The following ATP8A1 variants were observed in gnomAD, a reference collection of about 807,000 sequenced individuals.
ATP8A1 encodes the protein phospholipid-transporting ATPase IA.
A neutral mutation model predicts 177.7 loss-of-function variants in ATP8A1; 90 were observed. The ratio of observed to expected loss-of-function variants is 0.51; its 90% CI spans 0.43 to 0.60. The LOEUF is 0.60. ATP8A1 is among the 20% of genes least tolerant of loss of function. ATP8A1 has a pLI of 0.00. For synonymous variants in ATP8A1, 493 were observed against 485.9 expected (o/e 1.01, Z -0.19); for missense variants, 1,072 against 1,392.8 (o/e 0.77, Z 3.67).
chr4:42,488,230 TTTAAG>T (rs1373921626), intron 24 of ATP8A1, among the ~76,000 whole-genome samples: 1 of 152,162 alleles, frequency 6.6e-6, no homozygotes, highest in Non-Finnish European at 1.5e-5. Flanking sequence ...AGATGCAGCA[TTTAAG>T]TTAACACTTG....
In ATP8A1 at chr4:42,558,808, G is replaced by A. The variant is rs151002661; in HGVS notation, c.1341-2768C>T. 3.5e-3 allele frequency among the ~76,000 whole-genome samples: 539 copies of A among 152,256 alleles called. 3 individuals are homozygous for A. Among genetic ancestry groups the A allele is most frequent in the African/African-American group, 0.012 (516 of 41,546 alleles). On this transcript the variant is annotated intron_variant, in intron 15 of 36. Coordinates refer to ENST00000381668, the MANE Select transcript of ATP8A1 (RefSeq NM_006095.2). ...AAACTTAGGAATGGAAAAAGCTTAGGTATCATATATAATTCAGAAAACATA... is the reference window on the plus strand; with the variant it reads ...AAACTTAGGAATGGAAAAAGCTTAGATATCATATATAATTCAGAAAACATA...
intron 25 of ATP8A1, among the ~76,000 whole-genome samples, chr4:42,479,646 C>A (rs577160370): frequency 1.2e-4 from 19 of 152,118 alleles, no homozygotes; most frequent in African/African-American, 4.6e-4. Flanking sequence ...TTTGGGGAGG[C>A]CTTCAGTAGA....
chr4:42,645,630 G>A (rs910554678), intron 1 of ATP8A1, among the ~76,000 whole-genome samples: 2 of 152,132 alleles, frequency 1.3e-5, no homozygotes, highest in Non-Finnish European at 2.9e-5. Context: ...AGCATCACAC[G>A]ATGTGGCTAT....
intron 19 of ATP8A1, 23 bp from the exon 20 acceptor site, chr4:42,544,009 A>G: frequency 6.3e-7 from 1 of 1,595,998 alleles, no homozygotes; most frequent in Non-Finnish European, 8.6e-7. Context: ...GGTTTTGCAT[A>G]ATGTGTCATC....
chr4:42,600,352 A>G (rs56034447), intron 6 of ATP8A1, 126 bp downstream of exon 6: 1 of 589,244 alleles, frequency 1.7e-6, no homozygotes, highest in African/African-American at 1.9e-5. Flanking sequence ...GCATGTTTAT[A>G]TTACTAAATA....
chr4:42,631,402 A>G (rs1738714740), intron 1 of ATP8A1, among the ~76,000 whole-genome samples: 1 of 152,222 alleles, frequency 6.6e-6, no homozygotes. Context: ...GAGTAACTGA[A>G]GTTCCATAAT....
intron 1 of ATP8A1, among the ~76,000 whole-genome samples, chr4:42,650,380 C>G (rs1287095231): frequency 2.0e-5 from 3 of 152,204 alleles, no homozygotes; most frequent in Non-Finnish European, 4.4e-5. Flanking sequence ...ATACTCATCT[C>G]CATGTTTCCT....
chr4:42,611,482 T>A (rs540219828), intron 5 of ATP8A1, among the ~76,000 whole-genome samples: 104 of 152,308 alleles, frequency 6.8e-4, no homozygotes, highest in African/African-American at 2.2e-3. Flanking sequence ...CTCCCACACA[T>A]TCTCATATGC....
intron 24 of ATP8A1, among the ~76,000 whole-genome samples, chr4:42,498,696 A>G (rs1483902929): frequency 6.9e-6 from 1 of 145,336 alleles, no homozygotes; most frequent in Non-Finnish European, 1.6e-5. Context: ...AATAATACTA[A>G]AAAAAAAAAT....
intron 25 of ATP8A1, among the ~76,000 whole-genome samples, chr4:42,470,886 C>T (rs939014786): frequency 3.8e-4 from 58 of 152,214 alleles, no homozygotes; most frequent in African/African-American, 1.2e-3. Flanking sequence ...CAACAAACTT[C>T]CTAAGATTTC....
chr4:42,600,940 A>C (rs1735186005), intron 5 of ATP8A1, among the ~76,000 whole-genome samples: 1 of 152,142 alleles, frequency 6.6e-6, no homozygotes, highest in Admixed American at 6.5e-5. Flanking sequence ...AAAATTTAAC[A>C]CATAAAGCCA....
chr4:42,637,037 T>C (rs761944097), intron 1 of ATP8A1: 21 of 477,250 alleles, frequency 4.4e-5, no homozygotes, highest in African/African-American at 2.8e-4. Context: ...CAGTCCTCTG[T>C]TGGAAGCCAA....
intron 5 of ATP8A1, among the ~76,000 whole-genome samples, chr4:42,610,646 A>T (rs969999229): frequency 6.6e-5 from 10 of 151,450 alleles, no homozygotes; most frequent in African/African-American, 2.4e-4. Context: ...TCTCCTCTCC[A>T]TCCAGAGCTA....
At chr4:42,656,353 G>C (rs1310285256) in intron 1 of ATP8A1, among the ~76,000 whole-genome samples, 1 of 152,236 alleles carries the variant, frequency 6.6e-6, no homozygotes, top group East Asian at 1.9e-4. Context: ...ACCCGACCCC[G>C]ATGAAGGCTC....
chr4:42,439,722 T>C (rs1252810534), intron 33 of ATP8A1, among the ~76,000 whole-genome samples: 3 of 152,042 alleles, frequency 2.0e-5, no homozygotes, highest in Non-Finnish European at 4.4e-5. Flanking sequence ...ATGGAGGAGG[T>C]AGTGCTGCCA....
intron 15 of ATP8A1, among the ~76,000 whole-genome samples, chr4:42,558,214 A>G (rs559682465): frequency 6.6e-6 from 1 of 152,246 alleles, no homozygotes; most frequent in Non-Finnish European, 1.5e-5. Flanking sequence ...TTGCAAGCTC[A>G]TATCAGTTAA....
At chr4:42,446,701 T>C in intron 30 of ATP8A1, 57 bp from the exon 31 acceptor site, 1 of 1,490,690 alleles carries the variant, frequency 6.7e-7, no homozygotes, top group Non-Finnish European at 9.3e-7. Context: ...CAGAATCTTT[T>C]CAAAGATATT....
chr4:42,446,905 A>T (rs537548612), intron 30 of ATP8A1, among the ~76,000 whole-genome samples: 7 of 152,316 alleles, frequency 4.6e-5, no homozygotes, highest in African/African-American at 1.7e-4. Context: ...TAAAAAAAAA[A>T]AATCCAACAA....
intron 6 of ATP8A1, among the ~76,000 whole-genome samples, chr4:42,600,092 G>C (rs1442664172): frequency 6.6e-6 from 1 of 152,122 alleles, no homozygotes; most frequent in African/African-American, 2.4e-5. Flanking sequence ...AATGTAATTA[G>C]TCTCACTATA....
Sources: allele counts gnomAD v4.1 joint callset (sites outside exome capture counted in the v4.1 genomes callset), GRCh38; gene constraint gnomAD v4.1.1; transcripts MANE v1.5; gene names NCBI Gene and HGNC (gene_info 2026-07-23, HGNC 2026-07-21).